The following YAP1 variants were observed in gnomAD, a reference collection of about 807,000 sequenced individuals.
YAP1 encodes the protein Yes1 associated transcriptional regulator, also known as transcriptional coactivator YAP1.
YAP1 carries 5 observed loss-of-function variants against 56.9 expected under a neutral mutation model. That is an observed-to-expected ratio of 0.09 (90% confidence interval 0.05 to 0.18). The LOEUF (loss-of-function observed/expected upper bound fraction) is 0.18, where lower values mean the gene tolerates loss of function less well. Among genes scored for constraint, YAP1 ranks in the 10% least tolerant of loss-of-function variants. The pLI is 1.00. For missense variants in YAP1, 539 were observed against 651.8 expected, an observed-to-expected ratio of 0.83 and a Z score of 1.88; for synonymous variants, 265 against 248.1, an observed-to-expected ratio of 1.07 and a Z score of -0.64.
chr11:102,152,647 A>G (rs995859823), intron 2 of YAP1, among the ~76,000 whole-genome samples: 1 of 152,144 alleles, frequency 6.6e-6, no homozygotes, highest in African/African-American at 2.4e-5. Context: ...CAATTCTGTT[A>G]TTTTTATTTG....
At chr11:102,150,733 T>G (rs9787890) in intron 2 of YAP1, among the ~76,000 whole-genome samples, 76,176 of 150,898 alleles carry the variant, frequency 0.5, 21,077 homozygotes, top group South Asian at 0.69. Context: ...ATTAAGAATA[T>G]TAATAGAACC....
At chr11:102,211,204 C>T (rs1949388301) in intron 6 of YAP1, among the ~76,000 whole-genome samples, 1 of 152,112 alleles carries the variant, frequency 6.6e-6, no homozygotes, top group Non-Finnish European at 1.5e-5. Context: ...TTCCCAAGGT[C>T]TTATACCCTG....
intron 1 of YAP1, 111 bp downstream of exon 1, chr11:102,111,280 T>C (rs1446003742): frequency 7.5e-7 from 1 of 1,331,476 alleles, no homozygotes; most frequent in Non-Finnish European, 1.0e-6. Flanking sequence ...TTGCGGGAAC[T>C]CTAGCTGGGG....
Position 102,232,220 on chromosome 11 carries a change from A to G in YAP1, c.*2280A>G, listed in dbSNP as rs1378538169. 7.2e-6 allele frequency: 1 copy of G among 138,408 alleles called. No homozygotes were observed. The highest frequency in any genetic ancestry group is 2.4e-4 in the East Asian group (1 of 4,136). 8.6% of individuals were successfully genotyped at this position (138,408 alleles called of 1,614,324 possible). On this transcript the variant is annotated 3_prime_UTR_variant, in exon 9 of 9. Coordinates refer to ENST00000282441, the MANE Select transcript of YAP1 (RefSeq NM_001130145.3). ...ATAATTTGCCAGTAGCCACAGATTA[A>G]GATTATATCTTATATATCAGCAGAT...
chr11:102,180,681 CA>C (rs58820066), intron 3 of YAP1, among the ~76,000 whole-genome samples: 4,967 of 42,568 alleles, frequency 0.12, 33 homozygotes, highest in African/African-American at 0.17. Flanking sequence ...GACTCCATCT[CA>C]AAAAAAAAAA....
intron 5 of YAP1, among the ~76,000 whole-genome samples, chr11:102,209,129 A>C (rs78191400): frequency 6.6e-6 from 1 of 152,162 alleles, no homozygotes; most frequent in African/African-American, 2.4e-5. Context: ...AGTAATCACA[A>C]TAAATTCAGT....
At position 102,111,055 on chromosome 11, in the gene YAP1, C is replaced by T. The variant is rs771433837; in HGVS notation, c.207C>T (p.Phe69=). 7.9e-5 allele frequency: 127 copies of T among 1,613,098 alleles called. No individual in the cohort carries two copies. The highest frequency in any genetic ancestry group is 1.0e-4 in the Non-Finnish European group (122 of 1,179,794). The part of the protein sequence containing the change: ...GDSETDLEAL[F]NAVMNPKTAN... Reference sequence around the variant, plus strand: ...CGGAGACCGACCTGGAGGCGCTCTTCAACGCCGTCATGAACCCCAAGACGG... The same window carrying T: ...CGGAGACCGACCTGGAGGCGCTCTTTAACGCCGTCATGAACCCCAAGACGG... Residue 69 remains phenylalanine, a synonymous_variant, in exon 1 of 9, where the codon TTC becomes TTT. Coordinates refer to ENST00000282441, the MANE Select transcript of YAP1 (RefSeq NM_001130145.3).
At chr11:102,225,182 T>TAAA (rs5794160) in intron 7 of YAP1, among the ~76,000 whole-genome samples, 3 of 146,912 alleles carry the variant, frequency 2.0e-5, no homozygotes, top group Non-Finnish European at 4.5e-5. Context: ...TTTTTTTCTT[T>TAAA]AAAAAAAAAA....
intron 2 of YAP1, among the ~76,000 whole-genome samples, chr11:102,150,113 T>C (rs1176543576): frequency 6.6e-6 from 1 of 151,424 alleles, no homozygotes; most frequent in Non-Finnish European, 1.5e-5. Context: ...GCCTCCTGAT[T>C]AGCTGGGATT....
chr11:102,168,473 G>A (rs1197225650), intron 3 of YAP1, among the ~76,000 whole-genome samples: 1 of 152,102 alleles, frequency 6.6e-6, no homozygotes, highest in Non-Finnish European at 1.5e-5. Flanking sequence ...GTACATTTTA[G>A]AGAATTCATT....
intron 2 of YAP1, among the ~76,000 whole-genome samples, chr11:102,122,614 C>CCATA (rs1270329001): frequency 1.3e-5 from 2 of 152,102 alleles, no homozygotes; most frequent in Non-Finnish European, 2.9e-5. Context: ...AAAGAGCAGG[C>CCATA]TGGGTATGGT....
intron 4 of YAP1, among the ~76,000 whole-genome samples, chr11:102,194,813 A>G (rs1418265712): frequency 1.3e-5 from 2 of 152,242 alleles, no homozygotes; most frequent in African/African-American, 4.8e-5. Context: ...GAGCTTTACT[A>G]GTAATAAATG....
At chr11:102,205,799 C>A in intron 4 of YAP1, 94 bp from the exon 5 acceptor site, 1 of 1,282,902 alleles carries the variant, frequency 7.8e-7, no homozygotes, top group Non-Finnish European at 1.0e-6. Flanking sequence ...AAAGTTACAT[C>A]GAATATCCCA....
intron 2 of YAP1, among the ~76,000 whole-genome samples, chr11:102,148,362 C>CA (rs1245514560): frequency 1.3e-5 from 2 of 151,232 alleles, no homozygotes; most frequent in Non-Finnish European, 3.0e-5. Flanking sequence ...TGTGTTTCTG[C>CA]AAAAAGAGAA....
chr11:102,148,518 GT>G (rs1945450989), intron 2 of YAP1, among the ~76,000 whole-genome samples: 1 of 152,172 alleles, frequency 6.6e-6, no homozygotes, highest in Non-Finnish European at 1.5e-5. Context: ...CACACTGATG[GT>G]TTTTGGATGG....
intron 2 of YAP1, among the ~76,000 whole-genome samples, chr11:102,139,050 C>G (rs991905739): frequency 1.3e-5 from 2 of 151,588 alleles, no homozygotes; most frequent in Non-Finnish European, 2.9e-5. Context: ...CCCATGAAAA[C>G]AAGTTTTTTT....
intron 4 of YAP1, among the ~76,000 whole-genome samples, chr11:102,203,754 A>G (rs1182201920): frequency 6.6e-6 from 1 of 152,246 alleles, no homozygotes; most frequent in South Asian, 2.1e-4. Context: ...AAGTCACCAT[A>G]GAAATTACAC....
rs552829360 is a variant in YAP1, at chr11:102,119,648, A to T, written c.572+5254A>T. ...TTTAAATAGTTGAAACTTGGAAAAA[A>T]AAAAAACCCAGGTTTTTACAACCCT... is the stretch of plus-strand genomic sequence containing the variant. On this transcript the variant is annotated intron_variant, in intron 2 of 8. Coordinates refer to ENST00000282441, the MANE Select transcript of YAP1 (RefSeq NM_001130145.3). Among the ~76,000 whole-genome samples the T allele has an allele frequency of 8.2e-4, 124 of 152,118 alleles. 1 individual carries two copies. The highest frequency in any genetic ancestry group is 3.4e-3 in the Middle Eastern group (1 of 294).
intron 2 of YAP1, among the ~76,000 whole-genome samples, chr11:102,115,281 T>TAATA (rs1274627557): frequency 2.0e-5 from 3 of 152,236 alleles, no homozygotes; most frequent in African/African-American, 7.2e-5. Context: ...AAAGCTCACT[T>TAATA]AATAGTGTTT....
Sources: allele counts gnomAD v4.1 joint callset (sites outside exome capture counted in the v4.1 genomes callset), GRCh38; gene constraint gnomAD v4.1.1; transcripts MANE v1.5; gene names NCBI Gene and HGNC (gene_info 2026-07-23, HGNC 2026-07-21).